The following SPATA33 variants were observed in gnomAD, a reference collection of about 807,000 sequenced individuals.
SPATA33 encodes the protein spermatogenesis-associated protein 33.
SPATA33 carries 10 observed loss-of-function variants against 8.9 expected under a neutral mutation model. That is an observed-to-expected ratio of 1.12 (90% CI 0.69 to 1.90). SPATA33 has a LOEUF of 1.90. Among genes scored for constraint, SPATA33 ranks in the 40% most tolerant of loss-of-function variants. The probability of loss-of-function intolerance (pLI) is 0.00; values close to 1 mark genes in which losing one functional copy is unlikely to be tolerated. For missense variants in SPATA33, 241 were observed against 178.3 expected (o/e 1.35, Z -2.00); for synonymous variants, 96 against 72.8 (o/e 1.32, Z -1.63).
chr16:89,659,173 A>G (rs909937257), intron 2 of SPATA33: 1 of 152,280 alleles, frequency 6.6e-6, no homozygotes, highest in Non-Finnish European at 1.5e-5. Flanking sequence ...CAAGGGCGGC[A>G]TGATGAGGTC....
chr16:89,665,608 C>G (rs1049144795), intron 2 of SPATA33, among the ~76,000 whole-genome samples: 1 of 152,078 alleles, frequency 6.6e-6, no homozygotes, highest in Non-Finnish European at 1.5e-5. Flanking sequence ...GCCACTGCGT[C>G]TGGCCTAATA....
intron 2 of SPATA33, among the ~76,000 whole-genome samples, chr16:89,663,631 G>A (rs1261391558): frequency 6.6e-6 from 1 of 152,108 alleles, no homozygotes; most frequent in Non-Finnish European, 1.5e-5. Flanking sequence ...TGGCGTTGGG[G>A]TAGGGAGTGA....
At position 89,660,816 on chromosome 16, in the gene SPATA33, A is replaced by G; in HGVS notation, c.211+2395A>G. 3.6e-6 allele frequency: 4 copies of G among 1,099,428 alleles called. No individual in the cohort carries two copies. In the South Asian group the frequency reaches 1.4e-4, roughly 39 times the overall value. The allele number at this position is 1,099,428 out of a possible 1,614,324, so 68.1% of individuals were successfully genotyped here. ...TGAATCTGAACATGGGAAGCACTGC[A>G]GTTTAGTAGTCCTGGTCCCTAAGCC... is the stretch of plus-strand genomic sequence containing the variant. On this transcript the variant is annotated intron_variant, in intron 2 of 2. Coordinates refer to ENST00000579310, the MANE Select transcript of SPATA33 (RefSeq NM_001271907.2).
In SPATA33 at chr16:89,670,035, G is replaced by C. The variant is rs1461908471; in HGVS notation, c.*538G>C. On this transcript the variant is annotated 3_prime_UTR_variant, in exon 3 of 3. Transcript: ENST00000579310. ...GCCCCTTCTCCAGTGCTTTTGGGGA[G>C]GGTGCACCAGGGCCACCCCACCCTG... 7.1e-6 allele frequency: 1 copy of C among 140,504 alleles called. No homozygotes were observed. Among genetic ancestry groups the C allele is most frequent in the African/African-American group, 2.9e-5 (1 of 34,316 alleles). The allele number at this position is 140,504 out of a possible 1,614,324, so 8.7% of individuals were successfully genotyped here.
intron 2 of SPATA33, among the ~76,000 whole-genome samples, chr16:89,666,807 T>C (rs1567493075): frequency 6.6e-6 from 1 of 152,158 alleles, no homozygotes; most frequent in Non-Finnish European, 1.5e-5. Context: ...GGCCCTTCCC[T>C]GCCTGGCAGC....
chr16:89,659,017 G>A (rs1292720011), intron 2 of SPATA33: 2 of 153,108 alleles, frequency 1.3e-5, no homozygotes, highest in East Asian at 3.8e-4. Context: ...AACAACGGAG[G>A]TGCTGCCTGG....
At chr16:89,667,889 C>T (rs2060047687) in intron 2 of SPATA33, 1 of 152,298 alleles carries the variant, frequency 6.6e-6, no homozygotes, top group Admixed American at 6.5e-5. Flanking sequence ...TTTGACTAGC[C>T]TTGGGCAGAT....
At chr16:89,663,598 C>CAGATTGTTGATTGCTAGGGCCT (rs1476505647) in intron 2 of SPATA33, among the ~76,000 whole-genome samples, 1 of 151,866 alleles carries the variant, frequency 6.6e-6, no homozygotes, top group Non-Finnish European at 1.5e-5. Context: ...ACAGGGAGGA[C>CAGATTGTTGATTGCTAGGGCCT]AGATTGTTGA....
intron 2 of SPATA33, chr16:89,661,067 A>G: frequency 4.1e-6 from 4 of 986,694 alleles, no homozygotes; most frequent in Non-Finnish European, 4.8e-6. Flanking sequence ...CTGAACCCAT[A>G]AAATCCAGAG....
chr16:89,664,098 G>A (rs538402906), intron 2 of SPATA33, among the ~76,000 whole-genome samples: 8 of 152,212 alleles, frequency 5.3e-5, no homozygotes, highest in East Asian at 1.9e-4. Context: ...CAGCCCCGGC[G>A]ACAGAGTAAG....
chr16:89,664,070 G>A (rs2059994768), intron 2 of SPATA33, among the ~76,000 whole-genome samples: 1 of 152,188 alleles, frequency 6.6e-6, no homozygotes, highest in South Asian at 2.1e-4. Context: ...AGTGAGCCAA[G>A]ATCGTGCCAC....
intron 1 of SPATA33, 63 bp from the exon 2 acceptor site, chr16:89,658,185 G>A (rs1004783815): frequency 4.4e-6 from 7 of 1,602,832 alleles, no homozygotes; most frequent in Admixed American, 1.7e-5. Flanking sequence ...GACTGAAGAC[G>A]ATGGGACCCA....
At chr16:89,658,133 G>A in intron 1 of SPATA33, 115 bp from the exon 2 acceptor site, 2 of 1,531,928 alleles carry the variant, frequency 1.3e-6, no homozygotes, top group Non-Finnish European at 8.7e-7. Context: ...GAAACGCGGA[G>A]ACTCGAGACT....
intron 2 of SPATA33, chr16:89,661,220 G>C (rs1021345276): frequency 2.0e-6 from 2 of 985,254 alleles, no homozygotes; most frequent in African/African-American, 3.5e-5. Flanking sequence ...ATGTGGCTTG[G>C]CTGTGTCCTC....
Position 89,669,291 on chromosome 16 carries a change from C to A in SPATA33, c.217C>A (p.Pro73Thr), listed in dbSNP as rs779118643. The stretch of plus-strand genomic sequence containing the variant: ...CTGGATGTTTTTTCCTCTAGAGAAA[C>A]CTGATGTAAAGCAAAAGTCCAGCAG... ...PPPAASLEEKPDVKQKSSRKK... is the reference protein window; with the variant it reads ...PPPAASLEEKTDVKQKSSRKK... The change falls in exon 3 of 3, where the codon CCT becomes ACT. Residue 73 changes from proline to threonine, a missense_variant. Pro to Thr is a conservative substitution (Grantham distance 38, BLOSUM62 -1). Coordinates refer to ENST00000579310, the MANE Select transcript of SPATA33 (RefSeq NM_001271907.2). 16 of 1,613,976 alleles carry A rather than the reference C, an allele frequency of 9.9e-6. No individual in the cohort carries two copies. The highest frequency in any genetic ancestry group is 1.3e-5 in the Non-Finnish European group (15 of 1,180,024).
chr16:89,660,585 C>T (rs2059954057), intron 2 of SPATA33: 2 of 1,223,924 alleles, frequency 1.6e-6, no homozygotes, highest in Non-Finnish European at 2.0e-6. Flanking sequence ...ACTCCCTTGC[C>T]ACACCGTGAA....
At chr16:89,657,816 C>A, upstream of SPATA33, 9 of 1,506,062 alleles carry the variant, frequency 6.0e-6, no homozygotes, top group Non-Finnish European at 6.2e-6. Context: ...TGACGCACGC[C>A]GCTGGCGCGA....
chr16:89,661,357 T>A (rs2059964206), intron 2 of SPATA33: 4 of 321,982 alleles, frequency 1.2e-5, no homozygotes, highest in East Asian at 1.7e-4. Flanking sequence ...CCGATGGTTT[T>A]AAAAACGGGA....
chr16:89,665,099 G>C (rs534785074), intron 2 of SPATA33, among the ~76,000 whole-genome samples: 1 of 151,388 alleles, frequency 6.6e-6, no homozygotes, highest in African/African-American at 2.4e-5. Context: ...GGGCTCAAAC[G>C]ATTCTCCCAC....
Sources: gnomAD v4.1 joint callset for allele counts (sites outside exome capture counted in the v4.1 genomes callset) on GRCh38, gnomAD v4.1.1 for gene constraint, MANE v1.5 for transcripts, NCBI Gene and HGNC (gene_info 2026-07-23, HGNC 2026-07-21) for gene names.